The following C12orf42 variants were observed in gnomAD, a reference collection of about 807,000 sequenced individuals.
C12orf42 encodes the protein chromosome 12 open reading frame 42.
In C12orf42, 25 loss-of-function variants were observed where a neutral mutation model predicts 21.6. The observed-to-expected ratio is 1.16, with a 90% confidence interval of 0.84 to 1.62. The LOEUF (loss-of-function observed/expected upper bound fraction) is 1.62. C12orf42 is among the 40% of genes most tolerant of loss of function. C12orf42 has a pLI of 0.00. For synonymous variants in C12orf42, 174 were observed against 175.0 expected, an observed-to-expected ratio of 0.99 and a Z score of 0.05; for missense variants, 483 against 459.3, an observed-to-expected ratio of 1.05 and a Z score of -0.47.
chr12:103,460,931 C>T (rs1011967297), intron 2 of C12orf42, among the ~76,000 whole-genome samples: 2 of 152,052 alleles, frequency 1.3e-5, no homozygotes, highest in Non-Finnish European at 2.9e-5. Flanking sequence ...AGTTAGGAAG[C>T]GACTATCCAT....
chr12:103,183,487 T>C, the C12orf42 span, among the ~76,000 whole-genome samples: 1 of 152,232 alleles, frequency 6.6e-6, no homozygotes, highest in Admixed American at 6.5e-5. Flanking sequence ...TGCCAGATAT[T>C]TATCAATGTA....
At chr12:103,403,330 T>C (rs4408393) in intron 2 of C12orf42, among the ~76,000 whole-genome samples, 101,960 of 149,838 alleles carry the variant, frequency 0.68, 34,857 homozygotes, top group Admixed American at 0.75. Context: ...GAGCTGAGAT[T>C]GCCCCACTAC....
chr12:103,499,137 C>A (rs979775725), upstream of C12orf42, among the ~76,000 whole-genome samples: 1 of 151,940 alleles, frequency 6.6e-6, no homozygotes, highest in African/African-American at 2.4e-5. Flanking sequence ...AGATGTTAGT[C>A]AAAGGGGATA....
chr12:103,413,793 G>A (rs2049057728), intron 2 of C12orf42, among the ~76,000 whole-genome samples: 1 of 152,132 alleles, frequency 6.6e-6, no homozygotes, highest in Admixed American at 6.5e-5. Context: ...CATTCAGGTT[G>A]CTGCAAATGC....
At chr12:103,085,937 C>T in the C12orf42 span, among the ~76,000 whole-genome samples, 3 of 152,158 alleles carry the variant, frequency 2.0e-5, no homozygotes, top group African/African-American at 4.8e-5. Flanking sequence ...TTGCCAATTT[C>T]GCCAAGCTCC....
chr12:103,492,288 A>G (rs1955236200), intron 1 of C12orf42, among the ~76,000 whole-genome samples: 1 of 152,178 alleles, frequency 6.6e-6, no homozygotes, highest in Non-Finnish European at 1.5e-5. Context: ...TTTGTGGTTT[A>G]TCTTTTCCTT....
chr12:103,235,869 A>G (rs2033451634), downstream of C12orf42, among the ~76,000 whole-genome samples: 1 of 152,170 alleles, frequency 6.6e-6, no homozygotes, highest in Non-Finnish European at 1.5e-5. Flanking sequence ...AGCTTAAGAC[A>G]TATGCATGCA....
intron 5 of C12orf42, among the ~76,000 whole-genome samples, chr12:103,272,033 C>T (rs1015224896): frequency 2.0e-5 from 3 of 152,138 alleles, no homozygotes; most frequent in African/African-American, 7.2e-5. Context: ...CTAGACTGCT[C>T]ATTTACATGA....
chr12:103,429,880 T>C (rs1227584693), intron 2 of C12orf42, among the ~76,000 whole-genome samples: 1 of 152,204 alleles, frequency 6.6e-6, no homozygotes, highest in Non-Finnish European at 1.5e-5. Context: ...AAGGATTCCC[T>C]ATTTAATAAA....
chr12:103,502,529 C>T, the C12orf42 span, among the ~76,000 whole-genome samples: 1 of 151,786 alleles, frequency 6.6e-6, no homozygotes, highest in Non-Finnish European at 1.5e-5. Flanking sequence ...ACTCCCTTTG[C>T]AGGAACACTC....
At chr12:103,227,956 G>A in the C12orf42 span, among the ~76,000 whole-genome samples, 1 of 152,178 alleles carries the variant, frequency 6.6e-6, no homozygotes, top group Non-Finnish European at 1.5e-5. Context: ...GAGGCCACTT[G>A]CCTGATTTAA....
At chr12:103,478,291 TG>T in intron 2 of C12orf42, 57 bp downstream of exon 2, 1 of 1,101,478 alleles carries the variant, frequency 9.1e-7, no homozygotes, top group Non-Finnish European at 1.3e-6. Context: ...GTGGCTGAAA[TG>T]GAGCAAACCT....
At chr12:103,216,553 T>A in the C12orf42 span, among the ~76,000 whole-genome samples, 1 of 151,740 alleles carries the variant, frequency 6.6e-6, no homozygotes, top group East Asian at 1.9e-4. Context: ...TTTTTTTGTA[T>A]TTTTTTAGTA....
chr12:103,154,379 A>C, the C12orf42 span, among the ~76,000 whole-genome samples: 1 of 152,204 alleles, frequency 6.6e-6, no homozygotes, highest in Non-Finnish European at 1.5e-5. Context: ...AAACAAAAAA[A>C]CCCAACACCT....
At chr12:103,132,254 G>A in the C12orf42 span, among the ~76,000 whole-genome samples, 8 of 152,172 alleles carry the variant, frequency 5.3e-5, no homozygotes, top group South Asian at 6.2e-4. Context: ...GAATTCAACC[G>A]AAAAGTGATA....
intron 4 of C12orf42, among the ~76,000 whole-genome samples, chr12:103,314,148 G>A (rs1195929471): frequency 6.6e-6 from 1 of 152,104 alleles, no homozygotes; most frequent in Middle Eastern, 3.2e-3. Context: ...TGTGTTTTCA[G>A]AACTGAGAGC....
At chr12:103,360,380 C>G (rs544447019) in intron 4 of C12orf42, among the ~76,000 whole-genome samples, 1 of 151,652 alleles carries the variant, frequency 6.6e-6, no homozygotes, top group South Asian at 2.1e-4. Flanking sequence ...TAAGTGAGTC[C>G]CTCATTCTGG....
chr12:103,118,997 C>T, the C12orf42 span, among the ~76,000 whole-genome samples: 5 of 152,030 alleles, frequency 3.3e-5, no homozygotes, highest in South Asian at 4.1e-4. Flanking sequence ...TCCTCTCCTA[C>T]GGTAATTATT....
chr12:103,156,327 G>A, the C12orf42 span: 1 of 152,118 alleles, frequency 6.6e-6, no homozygotes, highest in African/African-American at 2.4e-5. Flanking sequence ...TTGCATTTGG[G>A]GGTGGTAGTG....
Sources: allele counts gnomAD v4.1 joint callset (sites outside exome capture counted in the v4.1 genomes callset), GRCh38; gene constraint gnomAD v4.1.1; transcripts MANE v1.5; gene names NCBI Gene and HGNC (gene_info 2026-07-23, HGNC 2026-07-21).